UBR2: variants seen among roughly 807,000 people sequenced by gnomAD.
UBR2 encodes E3 ubiquitin-protein ligase UBR2.
A neutral mutation model predicts 247.9 loss-of-function variants in UBR2; 92 were observed. The observed-to-expected ratio is 0.37, with a 90% CI of 0.31 to 0.44. The LOEUF is 0.44. Among genes scored for constraint, UBR2 ranks in the 20% least tolerant of loss-of-function variants. The probability of loss-of-function intolerance (pLI) is 1.00; values close to 1 mark genes in which losing one functional copy is unlikely to be tolerated. For missense variants in UBR2, 1,613 were observed against 2,112.6 expected, an observed-to-expected ratio of 0.76 and a Z score of 4.64; for synonymous variants, 672 against 693.5, an observed-to-expected ratio of 0.97 and a Z score of 0.49.
intron 26 of UBR2, among the ~76,000 whole-genome samples, chr6:42,657,234 CAAA>C (rs35892798): frequency 1.0e-4 from 9 of 87,970 alleles, no homozygotes; most frequent in East Asian, 2.9e-4. Flanking sequence ...GACTCTGTCT[CAAA>C]AAAAAAAAAA....
At position 42,612,155 on chromosome 6, in the gene UBR2, G is replaced by A. The variant is rs1306872475; in HGVS notation, c.865-16G>A. 17 of 1,492,064 alleles carry A rather than the reference G, an allele frequency of 1.1e-5. No homozygotes were observed. Among genetic ancestry groups the A allele is most frequent in the Non-Finnish European group, 1.5e-5 (17 of 1,101,856 alleles). 92.4% of individuals were successfully genotyped at this position (1,492,064 alleles called of 1,614,324 possible). A position where few individuals can be genotyped will look rare whatever the true frequency, so the allele number is the denominator to read the frequency against. ...CTTTTTAAGTTAATTTTTAAATCTT[G>A]CCATTTCTTTTTAAGAGAAATACCA... On this transcript the variant is annotated splice_polypyrimidine_tract_variant and intron_variant, in intron 7 of 46. Coordinates refer to ENST00000372901, the MANE Select transcript of UBR2 (RefSeq NM_001363705.2).
At chr6:42,639,363 C>A (rs1315258877) in intron 15 of UBR2, among the ~76,000 whole-genome samples, 1 of 152,164 alleles carries the variant, frequency 6.6e-6, no homozygotes, top group Non-Finnish European at 1.5e-5. Flanking sequence ...GAGGCCGAGG[C>A]CAGCAGATCA....
chr6:42,633,309 C>G (rs1379019115), intron 13 of UBR2, among the ~76,000 whole-genome samples: 1 of 152,112 alleles, frequency 6.6e-6, no homozygotes, highest in Non-Finnish European at 1.5e-5. Flanking sequence ...ATTGGAAATT[C>G]TTAGAAAGGT....
In UBR2 at chr6:42,573,822, C is replaced by A; in HGVS notation, c.167C>A (p.Pro56His). Residue 56 changes from proline to histidine, a missense_variant, in exon 2 of 47, where the codon CCT becomes CAT. Pro to His is a moderately conservative substitution (Grantham distance 77). Transcript: ENST00000372901. ...AAAATCTACTGCAGGGGTCCCAACC[C>A]TTTTCCACAGAAAGAAGACATGCTG... Reference protein sequence around the residue: ...VPKIYCRGPNPFPQKEDMLAQ... With the variant: ...VPKIYCRGPNHFPQKEDMLAQ... 1 of 1,613,804 alleles carries A rather than the reference C, an allele frequency of 6.2e-7. No homozygotes were observed. Among genetic ancestry groups the A allele is most frequent in the South Asian group, 1.1e-5 (1 of 91,014 alleles).
chr6:42,611,518 C>A (rs1794087098), intron 7 of UBR2, among the ~76,000 whole-genome samples: 1 of 150,338 alleles, frequency 6.7e-6, no homozygotes, highest in South Asian at 2.1e-4. Context: ...TAAATAAGTA[C>A]ATAATTATAT....
At chr6:42,585,569 G>GT (rs1792199234) in intron 2 of UBR2, among the ~76,000 whole-genome samples, 1 of 151,996 alleles carries the variant, frequency 6.6e-6, no homozygotes, top group African/African-American at 2.4e-5. Context: ...AAGGCCTAGG[G>GT]TTTTTTTGCA....
intron 2 of UBR2, 124 bp downstream of exon 2, chr6:42,574,117 C>G: frequency 6.6e-6 from 6 of 903,414 alleles, no homozygotes; most frequent in Non-Finnish European, 7.7e-6. Context: ...ATCTGTATTA[C>G]AAATACATGC....
chr6:42,614,375 T>TAAATATGTATGTACGTACATACATAC (rs70990112), intron 8 of UBR2, among the ~76,000 whole-genome samples: 1 of 69,752 alleles, frequency 1.4e-5, no homozygotes, highest in Non-Finnish European at 3.0e-5. Context: ...TGTGTATGTG[T>TAAATATGTATGTACGTACATACATAC]GTATATATGT....
Position 42,644,258 on chromosome 6 carries a change from G to A in UBR2, c.2142G>A (p.Met714Ile). 6.2e-7 allele frequency: 1 copy of A among 1,611,642 alleles called. No individual in the cohort carries two copies. ...MMDPNHFLMI[M>I]LSRFELYQIF... is the part of the protein sequence containing the mutation. The stretch of plus-strand genomic sequence containing the variant: ...ATCCAAATCATTTCCTGATGATCAT[G>A]CTCAGCCGCTTTGAACTTTATCAGA... The change falls in exon 19 of 47, where the codon ATG becomes ATA. Residue 714 changes from methionine (M) to isoleucine (I), a missense_variant. By Grantham distance (10) the Met-to-Ile change is conservative. This residue lies in a region of UBR2 where 1,524 missense variants were observed against 1,967.3 expected (regional missense o/e 0.77). Transcript: ENST00000372901.
chr6:42,590,690 A>G (rs770060546), intron 2 of UBR2, among the ~76,000 whole-genome samples: 8 of 152,256 alleles, frequency 5.3e-5, no homozygotes, highest in Non-Finnish European at 8.8e-5. Context: ...CTTGGCATAT[A>G]TCAAGTGATA....
intron 2 of UBR2, among the ~76,000 whole-genome samples, chr6:42,591,320 G>T (rs1188330728): frequency 6.6e-6 from 1 of 152,170 alleles, no homozygotes; most frequent in South Asian, 2.1e-4. Context: ...CCATCTACTA[G>T]CACCCTTATC....
intron 40 of UBR2, 54 bp from the exon 41 acceptor site, chr6:42,678,485 G>A (rs985518622): frequency 4.2e-5 from 66 of 1,575,328 alleles, no homozygotes; most frequent in Non-Finnish European, 5.2e-5. Flanking sequence ...CACACTATAA[G>A]TACAGTGACC....
chr6:42,625,697 A>T (rs1258127043), intron 11 of UBR2, among the ~76,000 whole-genome samples: 6 of 152,026 alleles, frequency 3.9e-5, no homozygotes, highest in Admixed American at 3.3e-4. Flanking sequence ...TGATCTGCCT[A>T]CCTCAACCTC....
In UBR2 at chr6:42,564,041, G is replaced by C. The variant is rs961319175; in HGVS notation, c.-279G>C. 1.0e-5 allele frequency: 5 copies of C among 482,092 alleles called. No individual in the cohort carries two copies. The highest frequency in any genetic ancestry group is 1.0e-4 in the African/African-American group (5 of 49,298). The allele number at this position is 482,092 out of a possible 1,614,324, so 29.9% of individuals were successfully genotyped here. A position where few individuals can be genotyped will look rare whatever the true frequency, so the allele number is the denominator to read the frequency against. On this transcript the variant is annotated 5_prime_UTR_variant, in exon 1 of 47. Transcript: ENST00000372901. ...GGTGCAGGACGCGGTAGTGGCCAGCGAGAGTGTCAGGCCTGGGGTTTTCTG... is the reference window on the plus strand; with the variant it reads ...GGTGCAGGACGCGGTAGTGGCCAGCCAGAGTGTCAGGCCTGGGGTTTTCTG...
At chr6:42,597,762 C>A (rs920768281) in intron 4 of UBR2, among the ~76,000 whole-genome samples, 11 of 151,378 alleles carry the variant, frequency 7.3e-5, no homozygotes, top group Admixed American at 1.3e-4. Flanking sequence ...ACTAAAAATA[C>A]AAAATTAGCC....
chr6:42,612,377 T>A (rs551392759), intron 8 of UBR2, 86 bp downstream of exon 8: 12 of 1,290,604 alleles, frequency 9.3e-6, no homozygotes, highest in Non-Finnish European at 1.2e-5. Flanking sequence ...AACTATCAAC[T>A]GGAATAATTT....
At position 42,627,034 on chromosome 6, in the gene UBR2, G is replaced by T. The variant is rs114064529; in HGVS notation, c.1282-5518G>T. Among the ~76,000 whole-genome samples the T allele has an allele frequency of 2.3e-3, 350 of 152,266 alleles. 1 individual carries two copies. The highest frequency in any genetic ancestry group is 8.0e-3 in the African/African-American group (333 of 41,552). On this transcript the variant is annotated intron_variant, in intron 11 of 46. Transcript: ENST00000372901. ...AAAGAGTTTAGTACACAGAGAGCTG[G>T]CCAAGTGGGAGACCAAAGCTTTATT... is the stretch of plus-strand genomic sequence containing the variant.
intron 2 of UBR2, among the ~76,000 whole-genome samples, chr6:42,581,967 T>C (rs1791929255): frequency 6.6e-6 from 1 of 152,132 alleles, no homozygotes. Context: ...TTTTGCACTG[T>C]TAAAAATCTG....
At chr6:42,614,970 A>C in intron 8 of UBR2, 101 bp from the exon 9 acceptor site, 1 of 915,738 alleles carries the variant, frequency 1.1e-6, no homozygotes, top group Non-Finnish European at 1.6e-6. Context: ...AACTTTAAGA[A>C]AACATTTAAA....
Sources: allele counts gnomAD v4.1 joint callset (sites outside exome capture counted in the v4.1 genomes callset), GRCh38; gene constraint gnomAD v4.1.1; regional missense constraint gnomAD v4.1.1; transcripts MANE v1.5; gene names NCBI Gene and HGNC (gene_info 2026-07-23, HGNC 2026-07-21).